The following IGF1R variants were observed in gnomAD, a reference collection of about 807,000 sequenced individuals.
IGF1R encodes insulin like growth factor 1 receptor, also known as insulin-like growth factor 1 receptor.
A neutral mutation model predicts 144.6 loss-of-function variants in IGF1R; 44 were observed. That is an observed-to-expected ratio of 0.30 (90% CI 0.24 to 0.39). The LOEUF (loss-of-function observed/expected upper bound fraction) is 0.39, where lower values mean the gene tolerates loss of function less well. Among genes scored for constraint, IGF1R ranks in the 10% least tolerant of loss-of-function variants. IGF1R has a pLI of 1.00. For synonymous variants in IGF1R, 795 were observed against 722.8 expected, an observed-to-expected ratio of 1.10 and a Z score of -1.60; for missense variants, 1,355 against 1,833.7, an observed-to-expected ratio of 0.74 and a Z score of 4.77.
chr15:98,950,842 A>G (rs1009679068), intron 20 of IGF1R, among the ~76,000 whole-genome samples: 1 of 152,234 alleles, frequency 6.6e-6, no homozygotes, highest in Non-Finnish European at 1.5e-5. Context: ...GGGGCATCTT[A>G]GAATTCCATA....
At chr15:98,815,385 A>C (rs1278932488) in intron 2 of IGF1R, among the ~76,000 whole-genome samples, 1 of 152,226 alleles carries the variant, frequency 6.6e-6, no homozygotes, top group Non-Finnish European at 1.5e-5. Context: ...GTTGTTGAAG[A>C]AGTGAGGAGG....
At chr15:98,656,405 C>T (rs764538648) in intron 1 of IGF1R, among the ~76,000 whole-genome samples, 15 of 152,268 alleles carry the variant, frequency 9.9e-5, no homozygotes, top group South Asian at 4.1e-4. Flanking sequence ...CAGAATTAAC[C>T]GGGCGTGGTG....
At chr15:98,770,043 A>T (rs1428078188) in intron 2 of IGF1R, among the ~76,000 whole-genome samples, 1 of 152,110 alleles carries the variant, frequency 6.6e-6, no homozygotes, top group Non-Finnish European at 1.5e-5. Context: ...AGCTGTCAAC[A>T]GTCAGCACTT....
chr15:98,889,790 A>G (rs2013816883), intron 2 of IGF1R, among the ~76,000 whole-genome samples: 2 of 152,190 alleles, frequency 1.3e-5, no homozygotes, highest in African/African-American at 2.4e-5. Context: ...TTTTTTAATC[A>G]TGTATTTTTA....
intron 2 of IGF1R, among the ~76,000 whole-genome samples, chr15:98,764,563 C>T (rs1051646779): frequency 3.3e-5 from 5 of 152,058 alleles, no homozygotes; most frequent in Non-Finnish European, 7.4e-5. Context: ...GAAAAGAGGA[C>T]ATTTTATAAG....
At chr15:98,818,928 G>T (rs1305198536) in intron 2 of IGF1R, among the ~76,000 whole-genome samples, 2 of 152,140 alleles carry the variant, frequency 1.3e-5, no homozygotes, top group Non-Finnish European at 2.9e-5. Context: ...TGAAGGGAAT[G>T]GAGACTGGGA....
At chr15:98,829,071 G>A (rs1005371734) in intron 2 of IGF1R, among the ~76,000 whole-genome samples, 64 of 152,200 alleles carry the variant, frequency 4.2e-4, no homozygotes, top group African/African-American at 1.5e-3. Flanking sequence ...GTTATTAGAA[G>A]TCCTTCCAAA....
At chr15:98,814,162 G>A (rs1303673705) in intron 2 of IGF1R, among the ~76,000 whole-genome samples, 1 of 152,084 alleles carries the variant, frequency 6.6e-6, no homozygotes, top group African/African-American at 2.4e-5. Context: ...GCACATCATC[G>A]TGGGTTGCTT....
chr15:98,711,443 C>T (rs2053990358), intron 2 of IGF1R, among the ~76,000 whole-genome samples: 2 of 152,094 alleles, frequency 1.3e-5, no homozygotes, highest in Admixed American at 6.5e-5. Context: ...TGTCTGGCAG[C>T]GTAGTAGACT....
At chr15:98,785,827 C>T (rs890469439) in intron 2 of IGF1R, among the ~76,000 whole-genome samples, 1 of 152,070 alleles carries the variant, frequency 6.6e-6, no homozygotes, top group Non-Finnish European at 1.5e-5. Flanking sequence ...ATGTGAGGTG[C>T]CCCAATAAAG....
intron 8 of IGF1R, among the ~76,000 whole-genome samples, chr15:98,915,030 C>T (rs895420452): frequency 1.3e-4 from 20 of 152,150 alleles, no homozygotes; most frequent in South Asian, 4.1e-4. Flanking sequence ...TCAAGCTGTC[C>T]GCCCTTTTCA....
intron 2 of IGF1R, among the ~76,000 whole-genome samples, chr15:98,880,423 G>C (rs904200799): frequency 6.6e-6 from 1 of 152,116 alleles, no homozygotes; most frequent in African/African-American, 2.4e-5. Context: ...TTGCGTGTTG[G>C]TTCCGGAGAC....
chr15:98,762,125 T>C (rs1459957911), intron 2 of IGF1R, among the ~76,000 whole-genome samples: 3 of 152,246 alleles, frequency 2.0e-5, no homozygotes, highest in Non-Finnish European at 2.9e-5. Context: ...CTGAATGATA[T>C]GTAATCCTGC....
In IGF1R at chr15:98,905,011, C is replaced by T. The variant is rs188560796; in HGVS notation, c.1248-3674C>T. ...GCCAGAAAAGCAGGGAAGGCACCCC[C>T]AGTTTGCAGCTGAGAGACTCCAGCC... On this transcript the variant is annotated intron_variant, in intron 5 of 20. Transcript: ENST00000650285. Among the ~76,000 whole-genome samples the T allele has an allele frequency of 2.6e-3, 393 of 152,350 alleles. 1 individual carries two copies. The highest frequency in any genetic ancestry group is 4.7e-3 in the Non-Finnish European group (320 of 68,036).
intron 2 of IGF1R, among the ~76,000 whole-genome samples, chr15:98,810,783 C>T (rs1016484197): frequency 6.6e-6 from 1 of 151,586 alleles, no homozygotes; most frequent in East Asian, 2.0e-4. Flanking sequence ...CTCCTGACCT[C>T]GTGATCCGCC....
At chr15:98,909,592 AG>A (rs1296971185) in intron 6 of IGF1R, among the ~76,000 whole-genome samples, 12 of 152,200 alleles carry the variant, frequency 7.9e-5, no homozygotes, top group Non-Finnish European at 1.6e-4. Flanking sequence ...AGTGTGCTTC[AG>A]CCCTATGAGC....
At chr15:98,651,855 C>G (rs986561002) in intron 1 of IGF1R, among the ~76,000 whole-genome samples, 1 of 152,052 alleles carries the variant, frequency 6.6e-6, no homozygotes, top group Non-Finnish European at 1.5e-5. Context: ...TTGACTGACT[C>G]AGTACCTGCC....
intron 2 of IGF1R, among the ~76,000 whole-genome samples, chr15:98,882,084 G>C (rs977141923): frequency 6.6e-6 from 1 of 152,228 alleles, no homozygotes; most frequent in African/African-American, 2.4e-5. Context: ...CGGCAAGCAA[G>C]CTGCTTTGGG....
In IGF1R at chr15:98,957,498, G is replaced by C. The variant is rs3825954; in HGVS notation, c.*56G>C. 270 of 1,603,386 alleles carry C rather than the reference G, an allele frequency of 1.7e-4. No individual in the cohort carries two copies. The highest frequency in any genetic ancestry group is 8.5e-4 in the Admixed American group (51 of 59,818). On this transcript the variant is annotated 3_prime_UTR_variant, in exon 21 of 21. Coordinates refer to ENST00000650285, the MANE Select transcript of IGF1R (RefSeq NM_000875.5). ...ACGTGTGCGCACGCGCAGCGGGGTG[G>C]GGGGGGAGAGAGAGTTTTAACAATC...
Sources: gnomAD v4.1 joint callset for allele counts (sites outside exome capture counted in the v4.1 genomes callset) on GRCh38, gnomAD v4.1.1 for gene constraint, MANE v1.5 for transcripts, NCBI Gene and HGNC (gene_info 2026-07-23, HGNC 2026-07-21) for gene names.